Variants in DSG3 observed in about 807,000 individuals in gnomAD.
The protein encoded by DSG3 is desmoglein-3.
In DSG3, 63 loss-of-function variants were observed where a neutral mutation model predicts 85.9. That is an observed-to-expected ratio of 0.73 (90% CI 0.60 to 0.90). DSG3 has a LOEUF of 0.90. Ranked by LOEUF, DSG3 falls within the 40% of genes least tolerant of loss-of-function variation. DSG3 has a pLI of 0.00. For missense variants in DSG3, 1,220 were observed against 1,219.9 expected (o/e 1.00, Z 0.00); for synonymous variants, 447 against 441.9 (o/e 1.01, Z -0.14).
chr18:31,464,262 G>C lies in DSG3; in HGVS notation c.1151G>C (p.Arg384Pro). Residue 384 changes from arginine to proline, a missense_variant, in exon 9 of 16, where the codon CGT (arginine) becomes CCT (proline). Physicochemically the swap from Arg to Pro is moderately radical, Grantham distance 103 (BLOSUM62 -2). Coordinates refer to ENST00000257189, the MANE Select transcript of DSG3 (RefSeq NM_001944.3). ...AATGTAAGAGAAGGAATTGCATTCC[G>C]TCCTGCTTCCAAGACATTTACTGTG... ...VINVREGIAF[R>P]PASKTFTVQK... 1 of 1,614,110 alleles carries C rather than the reference G, an allele frequency of 6.2e-7. No homozygotes were observed. Among genetic ancestry groups the C allele is most frequent in the Non-Finnish European group, 8.5e-7 (1 of 1,180,010 alleles).
chr18:31,450,903 C>G (rs1487858739), intron 1 of DSG3, among the ~76,000 whole-genome samples: 2 of 152,108 alleles, frequency 1.3e-5, no homozygotes. Flanking sequence ...TTGTGTCTTA[C>G]TATCTTAAAT....
At chr18:31,453,816 C>A in intron 1 of DSG3, among the ~76,000 whole-genome samples, 1 of 151,972 alleles carries the variant, frequency 6.6e-6, no homozygotes, top group East Asian at 1.9e-4. Context: ...TCATTCAAAT[C>A]GTCAGAAAAC....
intron 15 of DSG3, among the ~76,000 whole-genome samples, chr18:31,475,371 T>C (rs1038089340): frequency 6.6e-6 from 1 of 152,124 alleles, no homozygotes; most frequent in Non-Finnish European, 1.5e-5. Flanking sequence ...GGGATATTTC[T>C]AGGTGGGATG....
At chr18:31,474,530 T>G (rs1459190169) in intron 15 of DSG3, 126 bp downstream of exon 15, 5 of 1,275,596 alleles carry the variant, frequency 3.9e-6, no homozygotes, top group South Asian at 1.5e-5. Context: ...AAAAATGGTT[T>G]GTTTGTTTTT....
intron 8 of DSG3, 97 bp from the exon 9 acceptor site, chr18:31,464,014 T>C (rs1481381144): frequency 1.8e-6 from 2 of 1,134,444 alleles, no homozygotes; most frequent in Non-Finnish European, 2.5e-6. Context: ...ACAAGAGAAT[T>C]CATTCACAGC....
intron 7 of DSG3, 34 bp downstream of exon 7, chr18:31,460,995 T>A (rs2072781404): frequency 6.5e-7 from 1 of 1,548,968 alleles, no homozygotes; most frequent in African/African-American, 1.4e-5. Context: ...ATCATTTAGA[T>A]ATATATTTAA....
chr18:31,478,533 T>A lies in DSG3; in HGVS notation c.*2273T>A, dbSNP rs1407648442. 1 of 152,206 alleles carries A rather than the reference T, an allele frequency of 6.6e-6. No individual in the cohort carries two copies. Among genetic ancestry groups the A allele is most frequent in the Non-Finnish European group, 1.5e-5 (1 of 68,040 alleles). 9.4% of individuals were successfully genotyped at this position (152,206 alleles called of 1,614,324 possible). A position where few individuals can be genotyped will look rare whatever the true frequency, so the allele number is the denominator to read the frequency against. On this transcript the variant is annotated 3_prime_UTR_variant, in exon 16 of 16. Coordinates refer to ENST00000257189, the MANE Select transcript of DSG3 (RefSeq NM_001944.3). ...ATCTTTAGGATGACTTAAAAATTGA[T>A]TTGCCATGTAAAATGTATCTGCATT...
chr18:31,469,126 T>A lies in DSG3; in HGVS notation c.1674T>A (p.Pro558=), dbSNP rs760828802. The change falls in exon 12 of 16, where the codon CCT becomes CCA. Residue 558 remains proline, a synonymous_variant. Transcript: ENST00000257189. ...SALLRAQEQI[P]PGVYHISLVL... is the part of the protein sequence containing the mutation. ...TCCTCAGAGCCCAGGAACAGATACC[T>A]CCTGGAGTATACCACATCTCCCTGG... The A allele has an allele frequency of 3.7e-5, 59 of 1,614,196 alleles. No individual in the cohort carries two copies. The highest frequency in any genetic ancestry group is 4.8e-5 in the Non-Finnish European group (57 of 1,180,034).
rs2072803141 is a variant in DSG3, at chr18:31,464,265, C to G, written c.1154C>G (p.Pro385Arg). 6.2e-7 allele frequency: 1 copy of G among 1,614,128 alleles called. No homozygotes were observed. The highest frequency in any genetic ancestry group is 8.5e-7 in the Non-Finnish European group (1 of 1,180,016). The part of the protein sequence containing the change: ...INVREGIAFR[P>R]ASKTFTVQKG... ...GTAAGAGAAGGAATTGCATTCCGTC[C>G]TGCTTCCAAGACATTTACTGTGCAA... The change falls in exon 9 of 16, where the codon CCT becomes CGT. Residue 385 changes from proline (P) to arginine (R), a missense_variant. Physicochemically the swap from Pro to Arg is moderately radical, Grantham distance 103. Transcript: ENST00000257189.
intron 12 of DSG3, 135 bp downstream of exon 12, chr18:31,469,484 C>T: frequency 7.8e-7 from 1 of 1,278,304 alleles, no homozygotes; most frequent in Non-Finnish European, 1.1e-6. Context: ...GGGAAAATGG[C>T]ATTTTCAGAA....
intron 5 of DSG3, among the ~76,000 whole-genome samples, chr18:31,459,620 G>A (rs192430980): frequency 3.3e-5 from 5 of 152,144 alleles, no homozygotes; most frequent in South Asian, 2.1e-4. Context: ...CTCAGCAAAC[G>A]TAAGGCTTAG....
chr18:31,447,793 G>T lies in DSG3; in HGVS notation c.-85G>T. 2.6e-6 allele frequency: 3 copies of T among 1,166,046 alleles called. No homozygotes were observed. The highest frequency in any genetic ancestry group is 3.7e-6 in the Non-Finnish European group (3 of 820,218). 72.2% of individuals were successfully genotyped at this position (1,166,046 alleles called of 1,614,324 possible). A position where few individuals can be genotyped will look rare whatever the true frequency, so the allele number is the denominator to read the frequency against. On this transcript the variant is annotated 5_prime_UTR_variant, in exon 1 of 16. Transcript: ENST00000257189. Reference sequence around the variant, plus strand: ...GAAAGCAGCAGAGACGCTGCAGAGGGCTTTTCTTAGACATCAACTGCAGAC... The same window carrying T: ...GAAAGCAGCAGAGACGCTGCAGAGGTCTTTTCTTAGACATCAACTGCAGAC...
At chr18:31,465,615 G>A (rs531093868) in intron 10 of DSG3, among the ~76,000 whole-genome samples, 158 bp downstream of exon 10, 2 of 152,276 alleles carry the variant, frequency 1.3e-5, no homozygotes, top group African/African-American at 4.8e-5. Flanking sequence ...GCTGAATCCG[G>A]GAGAGAAAAC....
At position 31,459,861 on chromosome 18, in the gene DSG3, A is replaced by G; in HGVS notation, c.534A>G (p.Ile178Met). ...ENSASNSLVM[I>M]LNATDADEPN... is the part of the protein sequence containing the mutation. Reference sequence around the variant, plus strand: ...TATTCCTAGACTCACTGGTGATGATACTAAATGCCACAGATGCAGATGAAC... The same window carrying G: ...TATTCCTAGACTCACTGGTGATGATGCTAAATGCCACAGATGCAGATGAAC... The change falls in exon 6 of 16, where the codon ATA becomes ATG. Residue 178 changes from isoleucine to methionine, a missense_variant. By Grantham distance (10) the Ile-to-Met change is conservative. Coordinates refer to ENST00000257189, the MANE Select transcript of DSG3 (RefSeq NM_001944.3). The G allele has an allele frequency of 6.2e-7, 1 of 1,613,960 alleles. No homozygotes were observed. The highest frequency in any genetic ancestry group is 8.5e-7 in the Non-Finnish European group (1 of 1,179,902).
At chr18:31,454,039 TA>T (rs869189526) in intron 1 of DSG3, among the ~76,000 whole-genome samples, 14 of 152,130 alleles carry the variant, frequency 9.2e-5, no homozygotes, top group African/African-American at 3.4e-4. Context: ...ATAATTTTTT[TA>T]AAAAAATACT....
At chr18:31,455,199 G>A (rs577109702) in intron 1 of DSG3, among the ~76,000 whole-genome samples, 10 of 152,194 alleles carry the variant, frequency 6.6e-5, no homozygotes, top group South Asian at 2.1e-4. Context: ...GGTGCCTGCT[G>A]TAAGTATTAC....
intron 12 of DSG3, among the ~76,000 whole-genome samples, chr18:31,470,535 G>T (rs981446467): frequency 2.0e-5 from 3 of 152,106 alleles, no homozygotes; most frequent in African/African-American, 7.2e-5. Flanking sequence ...TATTAATCAA[G>T]TTCAAGAACC....
At chr18:31,461,890 T>C (rs1030321176) in intron 8 of DSG3, among the ~76,000 whole-genome samples, 9 of 152,222 alleles carry the variant, frequency 5.9e-5, no homozygotes, top group African/African-American at 2.2e-4. Flanking sequence ...TGGGAATTTA[T>C]GAACAAAATC....
intron 1 of DSG3, among the ~76,000 whole-genome samples, chr18:31,454,685 T>TC (rs1393222946): frequency 6.1e-4 from 92 of 151,984 alleles, no homozygotes; most frequent in African/African-American, 2.1e-3. Flanking sequence ...TTTTTTTTTT[T>TC]TTCTCTTTAT....
Sources: allele counts gnomAD v4.1 joint callset (sites outside exome capture counted in the v4.1 genomes callset), GRCh38; gene constraint gnomAD v4.1.1; transcripts MANE v1.5; gene names NCBI Gene and HGNC (gene_info 2026-07-23, HGNC 2026-07-21).